LCLAT1: variants seen among roughly 807,000 people sequenced by gnomAD.
LCLAT1 encodes 1-AGP acyltransferase 8.
In LCLAT1, 11 loss-of-function variants were observed where a neutral mutation model predicts 30.7. The observed-to-expected ratio is 0.36, with a 90% confidence interval of 0.23 to 0.59. The LOEUF is 0.59. LCLAT1 is among the 20% of genes least tolerant of loss of function. The pLI, the probability that LCLAT1 is intolerant of heterozygous loss-of-function variation, is 0.77. For synonymous variants in LCLAT1, 155 were observed against 151.3 expected, an observed-to-expected ratio of 1.02 and a Z score of -0.18; for missense variants, 402 against 458.6, an observed-to-expected ratio of 0.88 and a Z score of 1.13.
chr2:30,582,404 T>C (rs914170894), intron 5 of LCLAT1, among the ~76,000 whole-genome samples: 1 of 152,218 alleles, frequency 6.6e-6, no homozygotes, highest in African/African-American at 2.4e-5. Context: ...TATGAGGATA[T>C]ATAACTCCTC....
chr2:30,535,748 C>T (rs779467904), intron 3 of LCLAT1, among the ~76,000 whole-genome samples: 2 of 152,120 alleles, frequency 1.3e-5, no homozygotes, highest in East Asian at 1.9e-4. Context: ...ACACAGGAAA[C>T]GTGAAAAGGC....
intron 3 of LCLAT1, among the ~76,000 whole-genome samples, chr2:30,536,383 C>T (rs935094172): frequency 6.6e-6 from 1 of 152,136 alleles, no homozygotes; most frequent in Admixed American, 6.5e-5. Context: ...CTATGAACAG[C>T]TAGAGAAAGG....
At chr2:30,568,802 C>T (rs1417323126) in intron 5 of LCLAT1, among the ~76,000 whole-genome samples, 7 of 131,706 alleles carry the variant, frequency 5.3e-5, no homozygotes, top group East Asian at 2.5e-4. Context: ...CCACGGCGCC[C>T]GGCCAAAAAT....
At chr2:30,480,581 A>G (rs998019097) in intron 1 of LCLAT1, among the ~76,000 whole-genome samples, 1 of 152,110 alleles carries the variant, frequency 6.6e-6, no homozygotes, top group Non-Finnish European at 1.5e-5. Flanking sequence ...TAAGCCCTCC[A>G]TCAAGTAGAA....
chr2:30,460,651 A>G (rs978396555), intron 1 of LCLAT1, among the ~76,000 whole-genome samples: 1 of 152,126 alleles, frequency 6.6e-6, no homozygotes. Flanking sequence ...GTTATTCATA[A>G]CAAGAGTCTC....
chr2:30,529,710 C>T (rs1048995325), intron 2 of LCLAT1, among the ~76,000 whole-genome samples: 2 of 152,172 alleles, frequency 1.3e-5, no homozygotes, highest in African/African-American at 4.8e-5. Flanking sequence ...CCATTCCAGT[C>T]CTAGCACAAA....
intron 1 of LCLAT1, among the ~76,000 whole-genome samples, chr2:30,450,789 C>T (rs146611303): frequency 6.6e-6 from 1 of 152,250 alleles, no homozygotes; most frequent in East Asian, 1.9e-4. Flanking sequence ...GGACTAGTGC[C>T]TGGAATAGGC....
intron 5 of LCLAT1, among the ~76,000 whole-genome samples, chr2:30,603,180 G>GAATAAACATTCAGAGAATT (rs752881984): frequency 6.6e-6 from 1 of 152,060 alleles, no homozygotes; most frequent in African/African-American, 2.4e-5. Context: ...ATCTGGCACA[G>GAATAAACATTCAGAGAATT]AATAAACATT....
chr2:30,534,838 G>A (rs1012012613), intron 3 of LCLAT1, among the ~76,000 whole-genome samples: 3 of 152,094 alleles, frequency 2.0e-5, no homozygotes, highest in African/African-American at 2.4e-5. Flanking sequence ...ACAGATTGAA[G>A]ATGTGTCTAA....
At chr2:30,612,509 G>A (rs558450823) in intron 5 of LCLAT1, among the ~76,000 whole-genome samples, 6 of 152,228 alleles carry the variant, frequency 3.9e-5, no homozygotes, top group East Asian at 1.9e-4. Flanking sequence ...TGACTTCCCA[G>A]TATATCCTCT....
rs1686054719 is a variant in LCLAT1, at chr2:30,533,032, T to G, written c.166-84T>G. The G allele has an allele frequency of 4.1e-6, 4 of 965,134 alleles. No homozygotes were observed. In the East Asian group the frequency reaches 9.6e-5, roughly 23 times the overall value. The allele number at this position is 965,134 out of a possible 1,614,324, so 59.8% of individuals were successfully genotyped here. A position where few individuals can be genotyped will look rare whatever the true frequency, so the allele number is the denominator to read the frequency against. ...ACTAACTTTTACATGTTAGAAATCATAAGATTTATTTATAGGGCATGATAA... is the reference window on the plus strand; with the variant it reads ...ACTAACTTTTACATGTTAGAAATCAGAAGATTTATTTATAGGGCATGATAA... On this transcript the variant is annotated intron_variant, in intron 2 of 5. Transcript: ENST00000379509.
chr2:30,485,890 T>C (rs1683536345), intron 1 of LCLAT1, among the ~76,000 whole-genome samples: 1 of 152,226 alleles, frequency 6.6e-6, no homozygotes, highest in Admixed American at 6.5e-5. Context: ...GTATTTGTCA[T>C]ATATGTTATA....
intron 5 of LCLAT1, among the ~76,000 whole-genome samples, chr2:30,588,546 G>A (rs930105037): frequency 3.3e-5 from 5 of 152,072 alleles, no homozygotes; most frequent in African/African-American, 1.2e-4. Flanking sequence ...TCTTCTCTTT[G>A]TGCCTTAGTT....
intron 3 of LCLAT1, among the ~76,000 whole-genome samples, chr2:30,544,765 A>G (rs1317923964): frequency 1.3e-5 from 2 of 152,026 alleles, no homozygotes; most frequent in Non-Finnish European, 2.9e-5. Context: ...ACACCCTCCT[A>G]CCCCTTACCT....
intron 3 of LCLAT1, among the ~76,000 whole-genome samples, chr2:30,549,890 C>A (rs920366128): frequency 1.3e-5 from 2 of 152,088 alleles, no homozygotes; most frequent in Non-Finnish European, 2.9e-5. Flanking sequence ...TCAGATGTTT[C>A]TGAGTGTTAC....
intron 1 of LCLAT1, among the ~76,000 whole-genome samples, chr2:30,505,328 CTTTTTT>C (rs3061277): frequency 1.4e-5 from 2 of 138,276 alleles, no homozygotes; most frequent in Non-Finnish European, 1.5e-5. Context: ...AGGGGCAAAA[CTTTTTT>C]TTTTTTTTTT....
chr2:30,548,704 G>T (rs1191026560), intron 3 of LCLAT1, among the ~76,000 whole-genome samples: 5 of 152,136 alleles, frequency 3.3e-5, no homozygotes, highest in Admixed American at 3.3e-4. Context: ...GGGATAAGGG[G>T]ATTATCTATA....
intron 5 of LCLAT1, among the ~76,000 whole-genome samples, chr2:30,597,815 C>T (rs934600421): frequency 1.3e-5 from 2 of 152,110 alleles, no homozygotes; most frequent in Non-Finnish European, 2.9e-5. Context: ...TTTTGAGGTA[C>T]GTTCCTTCAG....
At chr2:30,454,697 C>G (rs1168946217) in intron 1 of LCLAT1, among the ~76,000 whole-genome samples, 1 of 151,772 alleles carries the variant, frequency 6.6e-6, no homozygotes, top group Non-Finnish European at 1.5e-5. Context: ...GATTCTCCCT[C>G]TTCGACCTCC....
Sources: allele counts gnomAD v4.1 joint callset (sites outside exome capture counted in the v4.1 genomes callset), GRCh38; gene constraint gnomAD v4.1.1; transcripts MANE v1.5; gene names NCBI Gene and HGNC (gene_info 2026-07-23, HGNC 2026-07-21).